The following ZNF717 variants were observed in gnomAD, a reference collection of about 807,000 sequenced individuals.
ZNF717 encodes the protein krueppel-like factor X17.
ZNF717 carries 9 observed loss-of-function variants against 13.8 expected under a neutral mutation model. The observed-to-expected ratio is 0.65, with a 90% CI of 0.39 to 1.14. ZNF717 has a LOEUF of 1.14. ZNF717 is among the 50% of genes most tolerant of loss of function. The pLI, the probability that ZNF717 is intolerant of heterozygous loss-of-function variation, is 0.01. For synonymous variants in ZNF717, 327 were observed against 364.1 expected (o/e 0.90, Z 1.16); for missense variants, 1,040 against 1,080.7 (o/e 0.96, Z 0.53).
rs1483322339 is a variant in ZNF717 at position 75,736,842 on chromosome 3, T to C, written c.*36A>G. On this transcript the variant is annotated 3_prime_UTR_variant, in exon 5 of 5. Coordinates refer to ENST00000652011, the MANE Select transcript of ZNF717 (RefSeq NM_001290208.3). The stretch of plus-strand genomic sequence containing the variant: ...TTCTCCTAGACTGAGCATGGAGAAA[T>C]CTGTAATAGTAGCCAGAGAGGTGTA... 3 of 1,500,160 alleles carry C rather than the reference T, an allele frequency of 2.0e-6. No homozygotes were observed. Among genetic ancestry groups the C allele is most frequent in the Non-Finnish European group, 2.7e-6 (3 of 1,123,358 alleles). The allele number at this position is 1,500,160 out of a possible 1,614,324, so 92.9% of individuals were successfully genotyped here.
intron 6 of ZNF717, among the ~76,000 whole-genome samples, chr3:75,696,524 T>G (rs1357195841): frequency 6.6e-6 from 1 of 152,310 alleles, no homozygotes; most frequent in Non-Finnish European, 1.5e-5. Flanking sequence ...TAATTCATAA[T>G]GACCAAGTGG....
At chr3:75,743,379 G>C (rs2107233114) in intron 2 of ZNF717, among the ~76,000 whole-genome samples, 1 of 152,316 alleles carries the variant, frequency 6.6e-6, no homozygotes, top group African/African-American at 2.4e-5. Context: ...ATCCACAGAT[G>C]CAAAACCCAT....
chr3:75,709,870 G>C (rs1052012974), exon 6 of ZNF717: 1 of 151,062 alleles, frequency 6.6e-6, no homozygotes, highest in Non-Finnish European at 1.5e-5. Flanking sequence ...TTTAAGTTTG[G>C]TTTTGATGGC....
At chr3:75,730,341 G>A (rs1241520980) in exon 6 of ZNF717, 4 of 330,048 alleles carry the variant, frequency 1.2e-5, no homozygotes, top group Non-Finnish European at 2.1e-5. Flanking sequence ...TACAGAATAG[G>A]GAAGCAATAG....
intron 2 of ZNF717, among the ~76,000 whole-genome samples, chr3:75,751,132 A>C (rs1441147672): frequency 1.3e-5 from 2 of 151,038 alleles, no homozygotes; most frequent in Non-Finnish European, 3.0e-5. Context: ...TTGCCCTTCA[A>C]ATAGTATTCC....
At chr3:75,729,128 G>C (rs1938368512), downstream of ZNF717, among the ~76,000 whole-genome samples, 1 of 151,646 alleles carries the variant, frequency 6.6e-6, no homozygotes, top group Admixed American at 6.6e-5. Flanking sequence ...AAACAGGGAG[G>C]GTGAACAATC....
At chr3:75,783,228 T>C (rs967488591) in intron 2 of ZNF717, 78 bp downstream of exon 2, 4 of 1,130,262 alleles carry the variant, frequency 3.5e-6, no homozygotes, top group Non-Finnish European at 5.2e-6. Flanking sequence ...ATTTCCACTT[T>C]TCTTTTTTAA....
At chr3:75,771,616 C>A (rs185591831) in intron 2 of ZNF717, among the ~76,000 whole-genome samples, 245 of 149,060 alleles carry the variant, frequency 1.6e-3, no homozygotes, top group African/African-American at 5.5e-3. Flanking sequence ...TGTCAGCAGG[C>A]GCCCAAGTGG....
At chr3:75,782,030 C>G (rs61186626) in intron 2 of ZNF717, among the ~76,000 whole-genome samples, 14,180 of 152,118 alleles carry the variant, frequency 0.093, 1,133 homozygotes, top group African/African-American at 0.2. Context: ...GAATTTCGTG[C>G]GTTAGCCATC....
At chr3:75,740,139 C>T (rs1334021798) in intron 4 of ZNF717, among the ~76,000 whole-genome samples, 5 of 152,212 alleles carry the variant, frequency 3.3e-5, no homozygotes, top group Admixed American at 6.6e-5. Context: ...ACTCACCAAT[C>T]GCTGCTTGAT....
At chr3:75,708,198 C>T (rs564458202), downstream of ZNF717, among the ~76,000 whole-genome samples, 272 of 152,392 alleles carry the variant, frequency 1.8e-3, no homozygotes, top group African/African-American at 6.3e-3. Flanking sequence ...GGAGGCACCC[C>T]CCAGTAGGGG....
chr3:75,719,970 AAATAATAAT>A (rs200443242), intron 4 of ZNF717, among the ~76,000 whole-genome samples: 61,927 of 146,068 alleles, frequency 0.42, 13,508 homozygotes, highest in South Asian at 0.61. Context: ...AAATAATAAT[AAATAATAAT>A]AATAATAATA....
chr3:75,781,033 C>T (rs776586695), intron 2 of ZNF717, among the ~76,000 whole-genome samples: 92 of 151,992 alleles, frequency 6.1e-4, no homozygotes, highest in Non-Finnish European at 7.8e-4. Context: ...GAAGTTTTGG[C>T]CAATCTCTCA....
At chr3:75,697,250 T>TA (rs34581470) in intron 6 of ZNF717, among the ~76,000 whole-genome samples, 3 of 146,348 alleles carry the variant, frequency 2.0e-5, no homozygotes, top group African/African-American at 7.6e-5. Context: ...TTTTTTTTTT[T>TA]ACCAATGATA....
chr3:75,700,069 CA>C (rs1937655790), intron 6 of ZNF717, among the ~76,000 whole-genome samples: 1 of 152,310 alleles, frequency 6.6e-6, no homozygotes, highest in Non-Finnish European at 1.5e-5. Flanking sequence ...CCATACAATC[CA>C]AAGCAATCTA....
intron 2 of ZNF717, among the ~76,000 whole-genome samples, chr3:75,768,202 T>C (rs1446814590): frequency 1.3e-5 from 2 of 152,170 alleles, no homozygotes; most frequent in Non-Finnish European, 2.9e-5. Context: ...TAAAGAGAAA[T>C]GCTGACTGTT....
At chr3:75,775,851 CAAAAAA>C (rs56879372) in intron 2 of ZNF717, among the ~76,000 whole-genome samples, 4,675 of 77,846 alleles carry the variant, frequency 0.06, no homozygotes, top group Middle Eastern at 0.11. Flanking sequence ...GACTCTGTCT[CAAAAAA>C]AAAAAAAAAA....
At chr3:75,776,756 C>G (rs796643467) in intron 2 of ZNF717, among the ~76,000 whole-genome samples, 1 of 141,704 alleles carries the variant, frequency 7.1e-6, no homozygotes, top group African/African-American at 2.6e-5. Flanking sequence ...AAGATGGCAT[C>G]CTTAATGTGA....
At chr3:75,781,416 C>G (rs1228540388) in intron 2 of ZNF717, among the ~76,000 whole-genome samples, 1 of 152,134 alleles carries the variant, frequency 6.6e-6, no homozygotes, top group Non-Finnish European at 1.5e-5. Flanking sequence ...TGGGGACTCT[C>G]CGATTCATGA....
Sources: gnomAD v4.1 joint callset for allele counts (sites outside exome capture counted in the v4.1 genomes callset) on GRCh38, gnomAD v4.1.1 for gene constraint, MANE v1.5 for transcripts, NCBI Gene and HGNC (gene_info 2026-07-23, HGNC 2026-07-21) for gene names.